SLC35F4: variants seen among roughly 807,000 people sequenced by gnomAD.
SLC35F4 encodes the protein chromosome 14 open reading frame 36.
A neutral mutation model predicts 44.2 loss-of-function variants in SLC35F4; 24 were observed. The ratio of observed to expected loss-of-function variants is 0.54; its 90% CI spans 0.39 to 0.76. SLC35F4 has a LOEUF of 0.76. Ranked by LOEUF, SLC35F4 falls within the 30% of genes least tolerant of loss-of-function variation. The pLI is 0.00. For missense variants in SLC35F4, 562 were observed against 586.1 expected (o/e 0.96, Z 0.42); for synonymous variants, 238 against 223.6 (o/e 1.06, Z -0.57).
At chr14:57,947,144 TTA>T (rs1478715552) in intron 1 of SLC35F4, among the ~76,000 whole-genome samples, 1 of 152,172 alleles carries the variant, frequency 6.6e-6, no homozygotes, top group Non-Finnish European at 1.5e-5. Flanking sequence ...TTTGTATCAT[TTA>T]TGATTTCTTT....
At chr14:57,949,587 A>G (rs546663609) in intron 1 of SLC35F4, among the ~76,000 whole-genome samples, 1 of 151,962 alleles carries the variant, frequency 6.6e-6, no homozygotes, top group Admixed American at 6.5e-5. Flanking sequence ...CCTAAATACC[A>G]TGTTTTTTTC....
chr14:57,569,107 T>C (rs1316983812), intron 6 of SLC35F4, among the ~76,000 whole-genome samples: 1 of 152,150 alleles, frequency 6.6e-6, no homozygotes, highest in Non-Finnish European at 1.5e-5. Context: ...TTCTTGGCCA[T>C]TAACTAGGTA....
intron 1 of SLC35F4, among the ~76,000 whole-genome samples, chr14:57,788,387 G>T (rs1055827674): frequency 1.3e-5 from 2 of 151,998 alleles, no homozygotes; most frequent in African/African-American, 4.8e-5. Flanking sequence ...AAGAAACAAT[G>T]GATTTAACTA....
chr14:57,612,689 T>C (rs747181501), intron 1 of SLC35F4, among the ~76,000 whole-genome samples: 1 of 152,232 alleles, frequency 6.6e-6, no homozygotes, highest in Non-Finnish European at 1.5e-5. Context: ...AAATTAAAGA[T>C]AACATCTAAT....
intron 1 of SLC35F4, among the ~76,000 whole-genome samples, chr14:57,792,711 A>T (rs1258406796): frequency 6.6e-6 from 1 of 152,146 alleles, no homozygotes; most frequent in Non-Finnish European, 1.5e-5. Context: ...CTCACTTATA[A>T]GTGGGAGTTA....
At chr14:57,876,262 C>T (rs1162602414) in intron 1 of SLC35F4, among the ~76,000 whole-genome samples, 4 of 152,172 alleles carry the variant, frequency 2.6e-5, no homozygotes, top group African/African-American at 4.8e-5. Flanking sequence ...TGTAAAGTTA[C>T]GGCATTCTAA....
At chr14:57,579,162 A>G (rs2069043778) in intron 4 of SLC35F4, among the ~76,000 whole-genome samples, 1 of 152,206 alleles carries the variant, frequency 6.6e-6, no homozygotes, top group African/African-American at 2.4e-5. Context: ...ATAATCCAAT[A>G]TGATGTCCCC....
At chr14:57,679,329 G>C in intron 1 of SLC35F4, among the ~76,000 whole-genome samples, 1 of 152,048 alleles carries the variant, frequency 6.6e-6, no homozygotes, top group South Asian at 2.1e-4. Flanking sequence ...AAACCAATGA[G>C]AACAAAGACA....
At chr14:57,601,201 T>C (rs1272772628) in intron 1 of SLC35F4, among the ~76,000 whole-genome samples, 1 of 151,844 alleles carries the variant, frequency 6.6e-6, no homozygotes, top group Non-Finnish European at 1.5e-5. Context: ...TTGCTTATTA[T>C]CTTATTATAA....
chr14:57,940,772 T>C (rs1889902552), intron 1 of SLC35F4, among the ~76,000 whole-genome samples: 1 of 152,158 alleles, frequency 6.6e-6, no homozygotes, highest in Non-Finnish European at 1.5e-5. Context: ...TCTCCCCCAC[T>C]ACTCCTCTTC....
At chr14:57,955,360 G>A (rs986429868) in intron 1 of SLC35F4, among the ~76,000 whole-genome samples, 3 of 152,168 alleles carry the variant, frequency 2.0e-5, no homozygotes, top group East Asian at 3.8e-4. Context: ...AAAGCTGGAA[G>A]CATTCCCTCT....
chr14:57,747,689 T>C (rs1438488219), intron 1 of SLC35F4, among the ~76,000 whole-genome samples: 1 of 152,214 alleles, frequency 6.6e-6, no homozygotes, highest in Non-Finnish European at 1.5e-5. Flanking sequence ...TAGAATTCTA[T>C]TCTTATACCT....
intron 1 of SLC35F4, among the ~76,000 whole-genome samples, chr14:57,924,390 A>G (rs559659677): frequency 1.2e-3 from 190 of 152,046 alleles, no homozygotes; most frequent in African/African-American, 4.4e-3. Flanking sequence ...AACATGCAAA[A>G]GAGAGAGAGA....
At chr14:57,771,011 C>G (rs936243087) in intron 1 of SLC35F4, among the ~76,000 whole-genome samples, 2 of 152,148 alleles carry the variant, frequency 1.3e-5, no homozygotes, top group South Asian at 2.1e-4. Flanking sequence ...TCAAATCAAG[C>G]CTTCCCCCAT....
intron 1 of SLC35F4, among the ~76,000 whole-genome samples, chr14:57,741,242 C>A (rs566508662): frequency 1.1e-4 from 16 of 152,292 alleles, no homozygotes; most frequent in Non-Finnish European, 1.9e-4. Flanking sequence ...ATGACTTTGA[C>A]GAGTTGAGAG....
At chr14:57,775,728 C>G (rs531234257) in intron 1 of SLC35F4, among the ~76,000 whole-genome samples, 2 of 152,216 alleles carry the variant, frequency 1.3e-5, no homozygotes, top group African/African-American at 2.4e-5. Flanking sequence ...TCTGACAACT[C>G]AAAAAGCCAG....
At chr14:57,973,708 G>C (rs970304646), downstream of SLC35F4, among the ~76,000 whole-genome samples, 1 of 152,148 alleles carries the variant, frequency 6.6e-6, no homozygotes, top group African/African-American at 2.4e-5. Flanking sequence ...AAACCAGGGG[G>C]AGGGGATTGG....
intron 1 of SLC35F4, among the ~76,000 whole-genome samples, chr14:57,744,854 C>T (rs1371620881): frequency 3.3e-5 from 5 of 152,152 alleles, no homozygotes; most frequent in African/African-American, 4.8e-5. Flanking sequence ...TACAAGGCTA[C>T]AGTAGCCAAA....
chr14:57,800,729 A>G (rs1012005236), intron 1 of SLC35F4, among the ~76,000 whole-genome samples: 6 of 152,208 alleles, frequency 3.9e-5, no homozygotes, highest in African/African-American at 1.4e-4. Context: ...AATCACAAGT[A>G]TCAATAGTAG....
Sources: gnomAD v4.1 joint callset for allele counts (sites outside exome capture counted in the v4.1 genomes callset) on GRCh38, gnomAD v4.1.1 for gene constraint, MANE v1.5 for transcripts, NCBI Gene and HGNC (gene_info 2026-07-23, HGNC 2026-07-21) for gene names.